NXPE1: variants seen among roughly 807,000 people sequenced by gnomAD.
NXPE1 encodes neurexophilin and PC-esterase domain family member 1, also known as NXPE family member 1.
In NXPE1, 31 loss-of-function variants were observed where a neutral mutation model predicts 33.3. The ratio of observed to expected loss-of-function variants is 0.93; its 90% CI spans 0.70 to 1.26. NXPE1 has a LOEUF of 1.26. Among genes scored for constraint, NXPE1 ranks in the 50% most tolerant of loss-of-function variants. The pLI is 0.00. For missense variants in NXPE1, 661 were observed against 655.6 expected (o/e 1.01, Z -0.09); for synonymous variants, 229 against 231.4 (o/e 0.99, Z 0.09).
At chr11:114,550,270 T>C (rs1948430117) in intron 5 of NXPE1, among the ~76,000 whole-genome samples, 1 of 152,100 alleles carries the variant, frequency 6.6e-6, no homozygotes, top group Non-Finnish European at 1.5e-5. Context: ...GTATGGGGAA[T>C]AGAAAAGCCA....
chr11:114,540,647 T>C (rs1948058598), intron 5 of NXPE1, among the ~76,000 whole-genome samples: 1 of 151,912 alleles, frequency 6.6e-6, no homozygotes, highest in South Asian at 2.1e-4. Context: ...GATTGCAATG[T>C]TCAACTCTGA....
exon 6 of NXPE1, chr11:114,530,861 G>A: frequency 6.2e-7 from 1 of 1,613,658 alleles, no homozygotes; most frequent in Non-Finnish European, 8.5e-7. Context: ...ACTTTGCGGA[G>A]TTGTTCCAGT....
intron 5 of NXPE1, 44 bp downstream of exon 5, chr11:114,551,059 G>T: frequency 9.3e-7 from 1 of 1,071,128 alleles, no homozygotes; most frequent in Non-Finnish European, 1.4e-6. Flanking sequence ...TCACACAGGT[G>T]AGGGCTTACT....
chr11:114,525,745 C>T (rs190588480), intron 7 of NXPE1, among the ~76,000 whole-genome samples: 32 of 152,234 alleles, frequency 2.1e-4, no homozygotes, highest in East Asian at 9.7e-4. Context: ...CTTGCTTGCC[C>T]GCCCTGTAGG....
In NXPE1 at chr11:114,524,446, G is replaced by A. The variant is rs138143892; in HGVS notation, c.896-1355C>T. Reference sequence around the variant, plus strand: ...ATTGTATTTGTAACCTATGGACAAAGTGGTAAAATGGTGCTGGTGGCAGAA... The same window carrying A: ...ATTGTATTTGTAACCTATGGACAAAATGGTAAAATGGTGCTGGTGGCAGAA... On this transcript the variant is annotated intron_variant, in intron 7 of 8. Coordinates refer to ENST00000534921, the Ensembl canonical transcript of NXPE1. Among the ~76,000 whole-genome samples, 587 of 152,352 alleles carry A rather than the reference G, an allele frequency of 3.9e-3. 5 individuals are homozygous for A. The highest frequency in any genetic ancestry group is 0.013 in the African/African-American group (532 of 41,576).
chr11:114,526,166 A>C (rs1947363041), intron 7 of NXPE1, among the ~76,000 whole-genome samples: 2 of 152,162 alleles, frequency 1.3e-5, no homozygotes, highest in South Asian at 4.1e-4. Flanking sequence ...AACCTGGAAT[A>C]AGCAAAGGAA....
In NXPE1 at chr11:114,530,852, C is replaced by G. The variant is rs749421933; in HGVS notation, c.156G>C (p.Lys52Asn). The G allele has an allele frequency of 3.1e-6, 5 of 1,613,970 alleles. No homozygotes were observed. The East Asian group carries it at 1.1e-4, about 36-fold the overall frequency. ...TCAGTGATGTTTTAGGGAATAAGGA[C>G]TTTGCGGAGTTGTTCCAGTAATGGA... Residue 52 changes from lysine (K) to asparagine (N), a missense_variant, in exon 6 of 9, where the codon AAG (lysine) becomes AAC (asparagine). Coordinates refer to ENST00000534921, the Ensembl canonical transcript of NXPE1.
At chr11:114,558,854 G>A (rs1948715699) in intron 1 of NXPE1, among the ~76,000 whole-genome samples, 1 of 152,154 alleles carries the variant, frequency 6.6e-6, no homozygotes, top group Non-Finnish European at 1.5e-5. Flanking sequence ...TCTCAGTCAG[G>A]TCCATAAAGA....
At chr11:114,531,046 T>C (rs2134966406) in intron 5 of NXPE1, 138 bp from the exon 6 acceptor site, 1 of 869,976 alleles carries the variant, frequency 1.1e-6, no homozygotes. Context: ...TATTTGGTAA[T>C]AAAGTGGCAT....
rs754802719 is a variant in NXPE1, at chr11:114,540,885, T to TTTG, written c.100-9978_100-9977insCAA. Among the ~76,000 whole-genome samples the TTTG allele has an allele frequency of 6.2e-5, 5 of 81,290 alleles. 1 individual carries two copies. The highest frequency in any genetic ancestry group is 1.5e-4 in the African/African-American group (3 of 20,108). The allele number at this position is 81,290 out of a possible 152,430, so 53.3% of individuals were successfully genotyped here. ...TTTTTTTTTTTTTTTTTTTTTTTTT[T>TTTG]GGCTTGAACAACCTGAGAGCAGAGT... On this transcript the variant is annotated intron_variant, in intron 5 of 8. Coordinates refer to ENST00000534921, the Ensembl canonical transcript of NXPE1.
chr11:114,542,409 A>G (rs1387734152), intron 5 of NXPE1, among the ~76,000 whole-genome samples: 2 of 152,190 alleles, frequency 1.3e-5, no homozygotes, highest in Admixed American at 6.5e-5. Flanking sequence ...AACAACCAAC[A>G]TAATTGAAAA....
intron 5 of NXPE1, among the ~76,000 whole-genome samples, chr11:114,534,924 C>T (rs796895187): frequency 1.3e-5 from 2 of 152,154 alleles, no homozygotes. Flanking sequence ...TCAGGAAATA[C>T]AGAGAACGCC....
intron 5 of NXPE1, among the ~76,000 whole-genome samples, chr11:114,549,440 T>A (rs1387652038): frequency 6.6e-6 from 1 of 152,092 alleles, no homozygotes; most frequent in Non-Finnish European, 1.5e-5. Flanking sequence ...ATACACATTT[T>A]GTTCCGTTTT....
chr11:114,535,657 A>T (rs968469794), intron 5 of NXPE1, among the ~76,000 whole-genome samples: 1 of 152,212 alleles, frequency 6.6e-6, no homozygotes, highest in African/African-American at 2.4e-5. Flanking sequence ...AACAGACTTA[A>T]ACCAACAAAG....
intron 8 of NXPE1, 41 bp from the exon 9 acceptor site, chr11:114,522,544 G>C: frequency 3.4e-6 from 5 of 1,454,262 alleles, no homozygotes; most frequent in Non-Finnish European, 4.6e-6. Context: ...AGAAGATAAT[G>C]GTTAATATTC....
At chr11:114,556,808 C>T (rs182662598) in intron 1 of NXPE1, among the ~76,000 whole-genome samples, 4 of 151,922 alleles carry the variant, frequency 2.6e-5, no homozygotes, top group South Asian at 2.1e-4. Flanking sequence ...TTCATATTAT[C>T]GTTGATATAT....
chr11:114,530,781 A>G (rs1353970745), exon 6 of NXPE1: 2 of 1,614,010 alleles, frequency 1.2e-6, no homozygotes, highest in African/African-American at 2.7e-5. Flanking sequence ...TTTCTCTATG[A>G]TTTCCTTTAT....
chr11:114,536,886 T>G (rs918556627), intron 5 of NXPE1, among the ~76,000 whole-genome samples: 2 of 152,206 alleles, frequency 1.3e-5, no homozygotes, highest in Admixed American at 1.3e-4. Context: ...CATCTGAAAC[T>G]ATTCCAATCA....
chr11:114,528,305 A>G (rs752025481), intron 6 of NXPE1, among the ~76,000 whole-genome samples: 3 of 152,172 alleles, frequency 2.0e-5, no homozygotes, highest in Non-Finnish European at 4.4e-5. Context: ...AAATTTTTCA[A>G]TACGACTGCC....
Sources: allele counts gnomAD v4.1 joint callset (sites outside exome capture counted in the v4.1 genomes callset), GRCh38; gene constraint gnomAD v4.1.1; transcripts MANE v1.5; gene names NCBI Gene and HGNC (gene_info 2026-07-23, HGNC 2026-07-21).